Variants in CEPT1 observed in about 807,000 individuals in gnomAD.
CEPT1 encodes choline/ethanolamine phosphotransferase 1.
Under a neutral mutation model 42.6 loss-of-function variants are expected in CEPT1, and 7 were observed. The ratio of observed to expected loss-of-function variants is 0.16; its 90% confidence interval spans 0.09 to 0.31. The LOEUF is 0.31. Ranked by LOEUF, CEPT1 falls within the 10% of genes least tolerant of loss-of-function variation. The probability of loss-of-function intolerance (pLI) is 1.00; values close to 1 mark genes in which losing one functional copy is unlikely to be tolerated. For missense variants in CEPT1, 306 were observed against 502.1 expected (o/e 0.61, Z 3.73); for synonymous variants, 171 against 171.9 (o/e 0.99, Z 0.04).
In CEPT1 at chr1:111,174,913, A is replaced by G. The variant is rs1415601299; in HGVS notation, c.664A>G (p.Ile222Val). The G allele has an allele frequency of 1.9e-6, 3 of 1,612,980 alleles. No individual in the cohort carries two copies. Among genetic ancestry groups the G allele is most frequent in the Admixed American group, 3.3e-5 (2 of 59,962 alleles). The part of the protein sequence containing the change: ...DVTEVQIFII[I>V]MHLLAVIGGP... ...GACTGAAGTGCAAATCTTCATAATA[A>G]TCATGCATTTGCTGGCAGTGATTGG... is the stretch of plus-strand genomic sequence containing the variant. Residue 222 changes from isoleucine (I) to valine (V), a missense_variant, in exon 5 of 9, where the codon ATC becomes GTC. Ile to Val is a conservative substitution (Grantham distance 29, BLOSUM62 3). Coordinates refer to ENST00000357172, the MANE Select transcript of CEPT1 (RefSeq NM_006090.5).
chr1:111,183,470 C>G lies in CEPT1; in HGVS notation c.1014C>G (p.His338Gln). 3 of 1,613,592 alleles carry G rather than the reference C, an allele frequency of 1.9e-6. No homozygotes were observed. The highest frequency in any genetic ancestry group is 2.5e-6 in the Non-Finnish European group (3 of 1,179,562). The change falls in exon 8 of 9, where the codon CAC becomes CAG. Residue 338 changes from histidine to glutamine, a missense_variant. His to Gln is a conservative substitution (Grantham distance 24). Coordinates refer to ENST00000357172, the MANE Select transcript of CEPT1 (RefSeq NM_006090.5). Reference protein sequence around the residue: ...AKITNKLVVAHMTKSEMHLHD... With the variant: ...AKITNKLVVAQMTKSEMHLHD... ...TTCTGTTTTATTCATAGGTTGCACA[C>G]ATGACGAAAAGTGAAATGCATTTGC...
At chr1:111,144,240 T>C (rs1197155887) in intron 1 of CEPT1, among the ~76,000 whole-genome samples, 1 of 152,194 alleles carries the variant, frequency 6.6e-6, no homozygotes, top group African/African-American at 2.4e-5. Flanking sequence ...ATCTCAGATA[T>C]GATGGAAGGA....
intron 4 of CEPT1, among the ~76,000 whole-genome samples, chr1:111,163,607 A>C (rs187448111): frequency 1.4e-5 from 2 of 138,402 alleles, no homozygotes; most frequent in East Asian, 5.3e-4. Flanking sequence ...ACATGTCTCA[A>C]AAAAAAAAAA....
rs879358504 is a variant in CEPT1, at chr1:111,167,682, G to C, written c.629+6386G>C. 93 of 981,884 alleles carry C rather than the reference G, an allele frequency of 9.5e-5. 1 individual carries two copies. The highest frequency in any genetic ancestry group is 1.1e-4 in the Non-Finnish European group (92 of 827,136). The allele number at this position is 981,884 out of a possible 1,614,324, so 60.8% of individuals were successfully genotyped here. On this transcript the variant is annotated intron_variant, in intron 4 of 8. Transcript: ENST00000357172. ...TTCTGCTTGAGTTTACAGCAGTCTTGGTGTTGTATAATATTTATGCTGGAA... is the reference window on the plus strand; with the variant it reads ...TTCTGCTTGAGTTTACAGCAGTCTTCGTGTTGTATAATATTTATGCTGGAA...
intron 4 of CEPT1, among the ~76,000 whole-genome samples, chr1:111,162,160 G>A (rs77914867): frequency 0.023 from 3,532 of 152,278 alleles, 140 homozygotes; most frequent in African/African-American, 0.079. Context: ...AATCTGCAGG[G>A]AACTTTTGCA....
chr1:111,159,010 T>G (rs1655730106), intron 2 of CEPT1, among the ~76,000 whole-genome samples: 2 of 137,558 alleles, frequency 1.5e-5, no homozygotes, highest in African/African-American at 2.7e-5. Context: ...GCCTCCCGGG[T>G]TCACGCCATT....
At chr1:111,183,393 T>C in intron 7 of CEPT1, 69 bp from the exon 8 acceptor site, 1 of 1,532,142 alleles carries the variant, frequency 6.5e-7, no homozygotes, top group Non-Finnish European at 9.0e-7. Flanking sequence ...CTGAGCACAA[T>C]ATGATTTACT....
intron 4 of CEPT1, among the ~76,000 whole-genome samples, chr1:111,162,941 A>G (rs1655944860): frequency 6.6e-6 from 1 of 152,218 alleles, no homozygotes; most frequent in African/African-American, 2.4e-5. Flanking sequence ...GCTCAAAGGA[A>G]GGAGGGTCTT....
At chr1:111,176,579 G>A (rs971089421) in intron 5 of CEPT1, among the ~76,000 whole-genome samples, 5 of 152,156 alleles carry the variant, frequency 3.3e-5, no homozygotes, top group African/African-American at 1.2e-4. Flanking sequence ...TACAGGTTAA[G>A]TATCCCTTGT....
At chr1:111,150,063 T>C (rs1350084077) in intron 2 of CEPT1, among the ~76,000 whole-genome samples, 1 of 152,224 alleles carries the variant, frequency 6.6e-6, no homozygotes, top group Non-Finnish European at 1.5e-5. Context: ...GGAATCAGAA[T>C]ATGACTGAGC....
chr1:111,173,750 T>C (rs1415516783), intron 4 of CEPT1, among the ~76,000 whole-genome samples: 2 of 152,158 alleles, frequency 1.3e-5, no homozygotes, highest in African/African-American at 4.8e-5. Flanking sequence ...ATGCAATTAC[T>C]GGCAAAAATA....
chr1:111,174,090 A>G (rs1656557167), intron 4 of CEPT1, among the ~76,000 whole-genome samples: 1 of 152,222 alleles, frequency 6.6e-6, no homozygotes, highest in Non-Finnish European at 1.5e-5. Flanking sequence ...TAAGAATGAT[A>G]ATCTCAAAAT....
chr1:111,171,980 G>A (rs753377242), intron 4 of CEPT1, among the ~76,000 whole-genome samples: 5 of 152,154 alleles, frequency 3.3e-5, no homozygotes, highest in Non-Finnish European at 5.9e-5. Context: ...CAGGTGATCC[G>A]CCTGCCTCGG....
chr1:111,178,858 A>G (rs563224822), intron 5 of CEPT1: 1 of 152,326 alleles, frequency 6.6e-6, no homozygotes, highest in African/African-American at 2.4e-5. Flanking sequence ...AATTGATTAT[A>G]TCTCATTCTT....
intron 8 of CEPT1, among the ~76,000 whole-genome samples, chr1:111,183,865 G>C (rs1483169801): frequency 1.3e-5 from 2 of 152,156 alleles, no homozygotes; most frequent in African/African-American, 4.8e-5. Context: ...ACTACACCCT[G>C]TGGGCCCATA....
chr1:111,170,801 C>G lies in CEPT1; in HGVS notation c.630-4078C>G, dbSNP rs113565333. Among the ~76,000 whole-genome samples the G allele has an allele frequency of 6.9e-3, 1,048 of 152,120 alleles. 14 individuals carry two copies. The highest frequency in any genetic ancestry group is 0.021 in the African/African-American group (875 of 41,500). The stretch of plus-strand genomic sequence containing the variant: ...AATAGATGATTTTTTTAAACAAAAT[C>G]CTTCTCTTTAACAATAGCTCACAGG... On this transcript the variant is annotated intron_variant, in intron 4 of 8. Transcript: ENST00000357172.
At chr1:111,168,954 G>A (rs1326502987) in intron 4 of CEPT1, among the ~76,000 whole-genome samples, 1 of 152,186 alleles carries the variant, frequency 6.6e-6, no homozygotes, top group East Asian at 1.9e-4. Flanking sequence ...TCAGGTTCCT[G>A]ATATAAGGTG....
At chr1:111,144,943 G>T (rs1157207384) in intron 1 of CEPT1, among the ~76,000 whole-genome samples, 1 of 151,966 alleles carries the variant, frequency 6.6e-6, no homozygotes, top group African/African-American at 2.4e-5. Flanking sequence ...CAGTACCTTT[G>T]TGATACAGTT....
chr1:111,151,128 GTT>G (rs34545608), intron 2 of CEPT1, among the ~76,000 whole-genome samples: 4 of 135,102 alleles, frequency 3.0e-5, no homozygotes, highest in Non-Finnish European at 4.7e-5. Context: ...TTTTTTGTTT[GTT>G]TTTTTTTTTT....
Sources: gnomAD v4.1 joint callset for allele counts (sites outside exome capture counted in the v4.1 genomes callset) on GRCh38, gnomAD v4.1.1 for gene constraint, MANE v1.5 for transcripts, NCBI Gene and HGNC (gene_info 2026-07-23, HGNC 2026-07-21) for gene names.